Variants in HPSE2 observed in about 807,000 individuals in gnomAD.
HPSE2 encodes the protein inactive heparanase-2.
In HPSE2, 38 loss-of-function variants were observed where a neutral mutation model predicts 60.5. That is an observed-to-expected ratio of 0.63 (90% CI 0.48 to 0.82). HPSE2 has a LOEUF of 0.82. Among genes scored for constraint, HPSE2 ranks in the 40% least tolerant of loss-of-function variants. HPSE2 has a pLI of 0.00. For missense variants in HPSE2, 713 were observed against 740.4 expected (o/e 0.96, Z 0.43); for synonymous variants, 295 against 293.2 (o/e 1.01, Z -0.06).
chr10:99,111,879 A>G (rs1361432280), intron 3 of HPSE2, among the ~76,000 whole-genome samples: 3 of 152,162 alleles, frequency 2.0e-5, no homozygotes, highest in Non-Finnish European at 4.4e-5. Flanking sequence ...TATAGCCCCA[A>G]TGCTAGAGAT....
chr10:98,898,886 A>C (rs1647789643), intron 3 of HPSE2, among the ~76,000 whole-genome samples: 1 of 152,220 alleles, frequency 6.6e-6, no homozygotes. Flanking sequence ...AAGGCAATTC[A>C]GTGGAGAAAG....
At chr10:98,655,526 G>A (rs1260620687) in intron 6 of HPSE2, among the ~76,000 whole-genome samples, 1 of 152,162 alleles carries the variant, frequency 6.6e-6, no homozygotes, top group Non-Finnish European at 1.5e-5. Flanking sequence ...TGTTTGCTCT[G>A]CAACATCAAT....
At chr10:99,092,563 C>G in intron 3 of HPSE2, among the ~76,000 whole-genome samples, 1 of 152,150 alleles carries the variant, frequency 6.6e-6, no homozygotes, top group Non-Finnish European at 1.5e-5. Context: ...CAAAATGCTA[C>G]TACTTCAAAA....
the HPSE2 span, among the ~76,000 whole-genome samples, chr10:99,260,375 G>C: frequency 2.6e-5 from 4 of 152,086 alleles, no homozygotes; most frequent in African/African-American, 9.7e-5. Flanking sequence ...CGGGAGACTG[G>C]TCCCCTGTCC....
the HPSE2 span, among the ~76,000 whole-genome samples, chr10:99,301,716 G>C: frequency 6.6e-6 from 1 of 152,064 alleles, no homozygotes; most frequent in Non-Finnish European, 1.5e-5. Flanking sequence ...TTGCTTGTGA[G>C]CCATGGCTGC....
chr10:99,105,840 G>A (rs1362784194), intron 3 of HPSE2, among the ~76,000 whole-genome samples: 3 of 151,582 alleles, frequency 2.0e-5, no homozygotes, highest in Admixed American at 6.6e-5. Flanking sequence ...TTTTTAATCC[G>A]AATATCCACT....
rs913272481 is a variant in HPSE2, at chr10:99,154,860, C to T, written c.449-10461G>A. On this transcript the variant is annotated intron_variant, in intron 2 of 11. Coordinates refer to ENST00000370552, the MANE Select transcript of HPSE2 (RefSeq NM_021828.5). Reference sequence around the variant, plus strand: ...AGTGTGCTGTATTCAGGAAACCCAACTCACGTGCAGAGACACACATAGGCT... The same window carrying T: ...AGTGTGCTGTATTCAGGAAACCCAATTCACGTGCAGAGACACACATAGGCT... Among the ~76,000 whole-genome samples, 190 of 152,208 alleles carry T rather than the reference C, an allele frequency of 1.2e-3. 1 individual carries two copies. Among genetic ancestry groups the T allele is most frequent in the African/African-American group, 4.3e-3 (178 of 41,528 alleles).
chr10:98,946,519 T>C (rs573967026), intron 3 of HPSE2, among the ~76,000 whole-genome samples: 2 of 146,928 alleles, frequency 1.4e-5, no homozygotes, highest in Non-Finnish European at 3.0e-5. Context: ...TTGTGACAAA[T>C]GCAACATATT....
intron 3 of HPSE2, among the ~76,000 whole-genome samples, chr10:98,942,836 G>A (rs566140822): frequency 0.016 from 2,457 of 152,062 alleles, 35 homozygotes; most frequent in Middle Eastern, 0.044. Context: ...CAACCCAAGT[G>A]TCCAACAATG....
At position 98,743,957 on chromosome 10, in the gene HPSE2, T is replaced by C. The variant is rs1418363244; in HGVS notation, c.710A>G (p.Asn237Ser). 1.9e-6 allele frequency: 3 copies of C among 1,614,128 alleles called. No individual in the cohort carries two copies. Among genetic ancestry groups the C allele is most frequent in the Non-Finnish European group, 1.7e-6 (2 of 1,179,976 alleles). ...CAACAGACTCAGGGCACTAGAACTG[T>C]TCCAGGAGTTATTGGGATTACGACG... ...ALRRNPNNSW[N>S]SSSALSLLKY... is the part of the protein sequence containing the mutation. Residue 237 changes from asparagine (N) to serine (S), a missense_variant, in exon 4 of 12, where the codon AAC becomes AGC. By Grantham distance (46) the Asn-to-Ser change is conservative. Coordinates refer to ENST00000370552, the MANE Select transcript of HPSE2 (RefSeq NM_021828.5).
At position 98,566,331 on chromosome 10, in the gene HPSE2, C is replaced by T. The variant is rs77226242; in HGVS notation, c.1320+48573G>A. ...TGCTAATGACTTAACATGTGATCTT[C>T]TTCGTGGGTATTTCCATTTTAACTG... On this transcript the variant is annotated intron_variant, in intron 9 of 11. Coordinates refer to ENST00000370552, the MANE Select transcript of HPSE2 (RefSeq NM_021828.5). Among the ~76,000 whole-genome samples, 103 of 152,292 alleles carry T rather than the reference C, an allele frequency of 6.8e-4. No individual in the cohort carries two copies. The East Asian group carries it at 8.5e-3, about 13-fold the overall frequency.
chr10:99,010,168 G>T (rs2135397495), intron 3 of HPSE2, among the ~76,000 whole-genome samples: 1 of 152,322 alleles, frequency 6.6e-6, no homozygotes, highest in East Asian at 1.9e-4. Flanking sequence ...GACATCAAAT[G>T]AAACTTGTAG....
At chr10:98,833,119 C>A (rs1323234082) in intron 3 of HPSE2, among the ~76,000 whole-genome samples, 2 of 152,162 alleles carry the variant, frequency 1.3e-5, no homozygotes, top group African/African-American at 2.4e-5. Flanking sequence ...TTTTCTGGAA[C>A]CTTTTAAAAG....
chr10:99,240,137 C>T (rs572244491), upstream of HPSE2, among the ~76,000 whole-genome samples: 1 of 151,554 alleles, frequency 6.6e-6, no homozygotes, highest in South Asian at 2.1e-4. Context: ...TACAGTGAGC[C>T]GAGATCATGC....
intron 3 of HPSE2, among the ~76,000 whole-genome samples, chr10:98,759,190 A>G (rs370294847): frequency 5.5e-4 from 9 of 16,510 alleles, no homozygotes; most frequent in African/African-American, 1.1e-3. Flanking sequence ...ACTTGAGGGT[A>G]GAGTGTGGGA....
At chr10:99,082,241 A>C (rs1001449920) in intron 3 of HPSE2, among the ~76,000 whole-genome samples, 1 of 152,178 alleles carries the variant, frequency 6.6e-6, no homozygotes, top group Non-Finnish European at 1.5e-5. Context: ...GATCAGAAAA[A>C]ACAAAATTCT....
At chr10:99,050,355 G>A (rs1435378858) in intron 3 of HPSE2, among the ~76,000 whole-genome samples, 1 of 151,744 alleles carries the variant, frequency 6.6e-6, no homozygotes, top group Non-Finnish European at 1.5e-5. Flanking sequence ...GTAAGAATGT[G>A]GAGAAAAGGG....
At chr10:98,894,527 C>G (rs1953428122) in intron 3 of HPSE2, among the ~76,000 whole-genome samples, 1 of 151,566 alleles carries the variant, frequency 6.6e-6, no homozygotes, top group South Asian at 2.1e-4. Flanking sequence ...AATGGGAAAG[C>G]AAAATTTCAG....
At chr10:99,132,280 G>T (rs1362647559) in intron 3 of HPSE2, among the ~76,000 whole-genome samples, 1 of 141,424 alleles carries the variant, frequency 7.1e-6, no homozygotes, top group Non-Finnish European at 1.5e-5. Context: ...AGAAAGAAAA[G>T]AAATTACCAG....
Sources: allele counts gnomAD v4.1 joint callset (sites outside exome capture counted in the v4.1 genomes callset), GRCh38; gene constraint gnomAD v4.1.1; transcripts MANE v1.5; gene names NCBI Gene and HGNC (gene_info 2026-07-23, HGNC 2026-07-21).